TENM4: variants seen among roughly 807,000 people sequenced by gnomAD.
TENM4 encodes teneurin-4.
Under a neutral mutation model 243.3 loss-of-function variants are expected in TENM4, and 82 were observed. The ratio of observed to expected loss-of-function variants is 0.34; its 90% CI spans 0.28 to 0.40. The LOEUF (loss-of-function observed/expected upper bound fraction) is 0.40. Ranked by LOEUF, TENM4 falls within the 10% of genes least tolerant of loss-of-function variation. The pLI is 1.00. For missense variants in TENM4, 3,138 were observed against 3,673.3 expected, an observed-to-expected ratio of 0.85 and a Z score of 3.77; for synonymous variants, 1,412 against 1,456.3, an observed-to-expected ratio of 0.97 and a Z score of 0.69.
At chr11:79,040,033 T>TA (rs34900293) in intron 6 of TENM4, among the ~76,000 whole-genome samples, 90,051 of 142,508 alleles carry the variant, frequency 0.63, 29,873 homozygotes, top group Non-Finnish European at 0.77. Context: ...GCAAAATGAT[T>TA]AAAAAAAAAA....
intron 2 of TENM4, among the ~76,000 whole-genome samples, chr11:79,296,989 A>C (rs1194799446): frequency 6.6e-6 from 1 of 152,226 alleles, no homozygotes; most frequent in Non-Finnish European, 1.5e-5. Flanking sequence ...TGGGAAAAAC[A>C]GTGTGAAAGA....
chr11:78,761,491 G>A (rs971700082), intron 18 of TENM4, among the ~76,000 whole-genome samples: 26 of 151,932 alleles, frequency 1.7e-4, no homozygotes, highest in Non-Finnish European at 1.3e-4. Context: ...CACCTGCCTC[G>A]GCCTCCCAAA....
At chr11:79,373,275 T>C (rs1327910344) in intron 1 of TENM4, among the ~76,000 whole-genome samples, 4 of 151,904 alleles carry the variant, frequency 2.6e-5, no homozygotes, top group South Asian at 4.2e-4. Context: ...AAGGTGTAGA[T>C]GGATGCATGG....
chr11:78,831,101 A>G (rs897695454), intron 12 of TENM4, among the ~76,000 whole-genome samples: 5 of 152,240 alleles, frequency 3.3e-5, no homozygotes, highest in Non-Finnish European at 4.4e-5. Flanking sequence ...AAGTGAAATG[A>G]CTTGCAGATC....
chr11:78,997,341 GT>G (rs1280685560), intron 6 of TENM4, among the ~76,000 whole-genome samples: 1 of 152,178 alleles, frequency 6.6e-6, no homozygotes, highest in Non-Finnish European at 1.5e-5. Flanking sequence ...ATATGTCCTT[GT>G]TTTGGCACAG....
intron 2 of TENM4, among the ~76,000 whole-genome samples, chr11:79,263,551 A>G (rs934279981): frequency 1.3e-5 from 2 of 152,260 alleles, no homozygotes; most frequent in Non-Finnish European, 2.9e-5. Context: ...AGGTGCAAAG[A>G]GTCCATGTAG....
chr11:79,069,754 A>T lies in TENM4; in HGVS notation c.191T>A (p.Val64Glu). Reference protein sequence around the residue: ...LAYGSRVKDIVPQEAEEFCRT... With the variant: ...LAYGSRVKDIEPQEAEEFCRT... Reference sequence around the variant, plus strand: ...GCAGAATTCCTCGGCCTCCTGCGGCACAATGTCCTTGACGCGGCTGCCATA... The same window carrying T: ...GCAGAATTCCTCGGCCTCCTGCGGCTCAATGTCCTTGACGCGGCTGCCATA... Residue 64 changes from valine to glutamate, a missense_variant, in exon 5 of 34, where the codon GTG becomes GAG. By Grantham distance (121) the Val-to-Glu change is moderately radical. Transcript: ENST00000278550. The T allele has an allele frequency of 6.4e-7, 1 of 1,551,096 alleles. No individual in the cohort carries two copies. The highest frequency in any genetic ancestry group is 8.7e-7 in the Non-Finnish European group (1 of 1,146,900).
chr11:79,129,469 C>A (rs1420158470), intron 4 of TENM4, among the ~76,000 whole-genome samples: 1 of 152,094 alleles, frequency 6.6e-6, no homozygotes, highest in Non-Finnish European at 1.5e-5. Flanking sequence ...AAGTGGGTAG[C>A]CTGGGGCAAG....
intron 9 of TENM4, among the ~76,000 whole-genome samples, chr11:78,864,339 C>A (rs994948077): frequency 3.0e-5 from 4 of 134,124 alleles, no homozygotes; most frequent in Non-Finnish European, 6.2e-5. Flanking sequence ...GAGGCTGAGG[C>A]AGGAGAATGA....
rs947766107 is a variant in TENM4 at position 78,759,258 on chromosome 11, C to T, written c.2540-2237G>A. On this transcript the variant is annotated intron_variant, in intron 18 of 33. Transcript: ENST00000278550. ...CCAGCAGTCGGCAGCCTCCATCACA[C>T]ATTCTCATGCTGCCCCTGTCAGACA... Among the ~76,000 whole-genome samples, 8 of 152,376 alleles carry T rather than the reference C, an allele frequency of 5.3e-5. No homozygotes were observed. In the East Asian group the frequency reaches 1.2e-3, roughly 22 times the overall value.
At chr11:79,298,540 A>G (rs1036366566) in intron 1 of TENM4, among the ~76,000 whole-genome samples, 2 of 150,496 alleles carry the variant, frequency 1.3e-5, no homozygotes, top group Admixed American at 6.6e-5. Flanking sequence ...AAAAAAAAAA[A>G]AAAAAAAAGA....
chr11:78,827,068 C>T (rs1424178114), intron 12 of TENM4, among the ~76,000 whole-genome samples: 1 of 152,170 alleles, frequency 6.6e-6, no homozygotes, highest in Non-Finnish European at 1.5e-5. Flanking sequence ...TAGCATTTTT[C>T]AATTCATTTA....
intron 1 of TENM4, among the ~76,000 whole-genome samples, chr11:79,364,707 A>G (rs1378700596): frequency 2.0e-5 from 3 of 152,252 alleles, no homozygotes; most frequent in Non-Finnish European, 2.9e-5. Context: ...TGAGGCTTCT[A>G]TCACACTGAG....
chr11:79,065,684 G>T (rs890911746), intron 5 of TENM4, among the ~76,000 whole-genome samples: 3 of 152,198 alleles, frequency 2.0e-5, no homozygotes, highest in Admixed American at 6.5e-5. Flanking sequence ...CAGGAAAAAG[G>T]CTCTGCCTGC....
At chr11:78,878,825 A>T (rs1208786400) in intron 9 of TENM4, among the ~76,000 whole-genome samples, 1 of 152,218 alleles carries the variant, frequency 6.6e-6, no homozygotes, top group Non-Finnish European at 1.5e-5. Context: ...GATATGAAAT[A>T]AGAAAACAGA....
intron 2 of TENM4, among the ~76,000 whole-genome samples, chr11:79,279,278 C>T (rs1017075465): frequency 6.6e-6 from 1 of 152,122 alleles, no homozygotes; most frequent in African/African-American, 2.4e-5. Context: ...AGAGAGTACT[C>T]CAGGCAGAAG....
At chr11:78,692,590 C>T (rs1325555467) in intron 28 of TENM4, among the ~76,000 whole-genome samples, 1 of 152,182 alleles carries the variant, frequency 6.6e-6, no homozygotes, top group Admixed American at 6.5e-5. Flanking sequence ...TCATTTGGAC[C>T]CTGCTGTATC....
Position 78,938,425 on chromosome 11 carries a change from G to A in TENM4, c.494-34902C>T, listed in dbSNP as rs560636158. Among the ~76,000 whole-genome samples the A allele has an allele frequency of 3.9e-5, 6 of 152,152 alleles. No individual in the cohort carries two copies. In the East Asian group the frequency reaches 7.7e-4, roughly 20 times the overall value. ...TCAGAGCATCTATCTTAAGGAACAC[G>A]TCCATGTTTGATTCTTCTCTGCATT... On this transcript the variant is annotated intron_variant, in intron 6 of 33. Coordinates refer to ENST00000278550, the MANE Select transcript of TENM4 (RefSeq NM_001098816.3).
chr11:79,229,774 A>C (rs1864340653), intron 2 of TENM4, among the ~76,000 whole-genome samples: 1 of 152,146 alleles, frequency 6.6e-6, no homozygotes, highest in African/African-American at 2.4e-5. Context: ...CACAGCAGGC[A>C]CTCAATTATT....
Sources: allele counts gnomAD v4.1 joint callset (sites outside exome capture counted in the v4.1 genomes callset), GRCh38; gene constraint gnomAD v4.1.1; transcripts MANE v1.5; gene names NCBI Gene and HGNC (gene_info 2026-07-23, HGNC 2026-07-21).